Variants in CFAP43 observed in about 807,000 individuals in gnomAD.
CFAP43 encodes the protein cilia- and flagella-associated protein 43.
CFAP43 carries 155 observed loss-of-function variants against 218.9 expected under a neutral mutation model. The observed-to-expected ratio is 0.71, with a 90% CI of 0.62 to 0.81. CFAP43 has a LOEUF of 0.81. CFAP43 is among the 30% of genes least tolerant of loss of function. The probability of loss-of-function intolerance (pLI) is 0.00; values close to 1 mark genes in which losing one functional copy is unlikely to be tolerated. For synonymous variants in CFAP43, 645 were observed against 681.3 expected, an observed-to-expected ratio of 0.95 and a Z score of 0.83; for missense variants, 1,778 against 1,954.3, an observed-to-expected ratio of 0.91 and a Z score of 1.70.
chr10:104,194,845 A>G (rs1201161497), intron 10 of CFAP43, among the ~76,000 whole-genome samples: 1 of 152,244 alleles, frequency 6.6e-6, no homozygotes, highest in African/African-American at 2.4e-5. Flanking sequence ...GAAGTCCAGC[A>G]GCTTGCCCAA....
At chr10:104,203,359 G>A (rs941245210) in intron 8 of CFAP43, 14 of 341,052 alleles carry the variant, frequency 4.1e-5, no homozygotes, top group South Asian at 4.0e-4. Context: ...CACCATAAGC[G>A]GAGAGTCTGC....
chr10:104,155,140 A>T (rs899079391), intron 27 of CFAP43, among the ~76,000 whole-genome samples: 1 of 152,134 alleles, frequency 6.6e-6, no homozygotes, highest in Non-Finnish European at 1.5e-5. Context: ...GAATTGTCTC[A>T]TCTTGGGGTG....
At position 104,132,141 on chromosome 10, in the gene CFAP43, TC is replaced by T. The variant is rs1564703516; in HGVS notation, c.4651del (p.Glu1551AsnfsTer7). The T allele has an allele frequency of 6.2e-7, 1 of 1,606,372 alleles. No homozygotes were observed. The highest frequency in any genetic ancestry group is 1.1e-5 in the South Asian group (1 of 88,668). ...ALISIQIGIM[E>X]QTIAVLDKMH... ...CTTATCTAAAACAGCAATGGTTTGT[TC>T]CATTATTCCAATCTGAATACTAATC... On this transcript the variant is annotated frameshift_variant, in exon 36 of 38. Transcript: ENST00000357060. LOFTEE classifies it high-confidence loss of function.
At chr10:104,148,500 T>C (rs1211759672) in intron 28 of CFAP43, among the ~76,000 whole-genome samples, 1 of 152,206 alleles carries the variant, frequency 6.6e-6, no homozygotes, top group African/African-American at 2.4e-5. Context: ...TGGGGCCTCA[T>C]GGGAGGTGTT....
chr10:104,162,181 G>A, intron 25 of CFAP43, 136 bp downstream of exon 25: 2 of 1,215,816 alleles, frequency 1.6e-6, no homozygotes, highest in South Asian at 2.6e-5. Flanking sequence ...GAGGAGAGAA[G>A]GGGAAAGGAG....
intron 6 of CFAP43, 137 bp downstream of exon 6, chr10:104,207,528 G>T: frequency 1.3e-6 from 1 of 755,510 alleles, no homozygotes; most frequent in Non-Finnish European, 2.1e-6. Context: ...ATGGTAGAAT[G>T]CCAACAGCAC....
chr10:104,153,764 C>T (rs1032260396), intron 27 of CFAP43, among the ~76,000 whole-genome samples: 9 of 111,396 alleles, frequency 8.1e-5, no homozygotes, highest in Non-Finnish European at 1.0e-4. Flanking sequence ...TATCACTTTT[C>T]TCTCTCTCTC....
At chr10:104,155,208 G>A (rs2088477239) in intron 27 of CFAP43, among the ~76,000 whole-genome samples, 1 of 152,178 alleles carries the variant, frequency 6.6e-6, no homozygotes, top group South Asian at 2.1e-4. Context: ...GTCACTGGCT[G>A]CCCTGGGTGA....
At position 104,172,449 on chromosome 10, in the gene CFAP43, T is replaced by C. The variant is rs144900793; in HGVS notation, c.2547A>G (p.Leu849=). 830 of 1,609,960 alleles carry C rather than the reference T, an allele frequency of 5.2e-4. 2 individuals are homozygous for C. Among genetic ancestry groups the C allele is most frequent in the Non-Finnish European group, 6.1e-4 (721 of 1,179,040 alleles). Residue 849 remains leucine (L), a synonymous_variant, in exon 20 of 38, where the codon CTA becomes CTG. Transcript: ENST00000357060. The stretch of plus-strand genomic sequence containing the variant: ...CCTGACTTTCATCATGAAGCCTTTC[T>C]AGTTCCTCAAGATCCAGACCAAATT... ...QQEFGLDLEE[L]ERLHDESQEE...
intron 7 of CFAP43, 29 bp downstream of exon 7, chr10:104,205,934 C>G (rs770734020): frequency 6.3e-7 from 1 of 1,583,130 alleles, no homozygotes; most frequent in Non-Finnish European, 8.6e-7. Context: ...TTCTTTAAAC[C>G]AATTAATTTG....
At chr10:104,193,667 T>G in intron 11 of CFAP43, 199 bp downstream of exon 11, 1 of 608,382 alleles carries the variant, frequency 1.6e-6, no homozygotes, top group Non-Finnish European at 2.7e-6. Context: ...CCAGGCTGCC[T>G]GCAAGGACAG....
Position 104,182,405 on chromosome 10 carries a change from T to C in CFAP43, c.2250A>G (p.Pro750=), listed in dbSNP as rs1319178284. 1 of 1,611,192 alleles carries C rather than the reference T, an allele frequency of 6.2e-7. No individual in the cohort carries two copies. The highest frequency in any genetic ancestry group is 8.5e-7 in the Non-Finnish European group (1 of 1,179,182). The change falls in exon 17 of 38, where the codon CCA becomes CCG. Residue 750 remains proline, a synonymous_variant. Coordinates refer to ENST00000357060, the MANE Select transcript of CFAP43 (RefSeq NM_025145.7). ...CGGATCCCAAATCTACGGAAACTTT[T>C]GGTGTTGTGCTTAAATAATGATTCT... ...DKENHYLSTT[P]KVSVDLGSDS... is the part of the protein sequence containing the mutation.
Position 104,162,418 on chromosome 10 carries a change from G to A in CFAP43, c.3247-15C>T, listed in dbSNP as rs763101074. ...TGGGCTGTAATCTGAAAGAGAAAAT[G>A]TCATTTCCTGCTATTATTCTTACAA... On this transcript the variant is annotated splice_polypyrimidine_tract_variant and intron_variant, in intron 24 of 37. Transcript: ENST00000357060. The A allele has an allele frequency of 1.9e-6, 3 of 1,600,200 alleles. No individual in the cohort carries two copies. The highest frequency in any genetic ancestry group is 1.3e-5 in the African/African-American group (1 of 74,750).
At chr10:104,131,577 T>C in intron 36 of CFAP43, 93 bp from the exon 37 acceptor site, 1 of 1,332,296 alleles carries the variant, frequency 7.5e-7, no homozygotes, top group African/African-American at 1.5e-5. Context: ...TTAAATACAT[T>C]ATCATCATTA....
At chr10:104,148,975 C>T (rs1204738320) in intron 28 of CFAP43, among the ~76,000 whole-genome samples, 3 of 152,162 alleles carry the variant, frequency 2.0e-5, no homozygotes, top group Non-Finnish European at 4.4e-5. Flanking sequence ...CAAACCTATA[C>T]ATGTACCTCT....
chr10:104,172,881 A>T (rs912268916), intron 19 of CFAP43, among the ~76,000 whole-genome samples: 1 of 152,210 alleles, frequency 6.6e-6, no homozygotes. Flanking sequence ...TGAAATAATT[A>T]AAGATGATAT....
intron 11 of CFAP43, 25 bp downstream of exon 11, chr10:104,193,841 G>A (rs777055945): frequency 1.1e-5 from 18 of 1,607,458 alleles, no homozygotes; most frequent in Admixed American, 5.1e-5. Flanking sequence ...ACACGGAGCC[G>A]CTCCTGGAGG....
rs554190069 is a variant in CFAP43, at chr10:104,187,882, G to A, written c.1687+388C>T. ...TATTTGTCATTAAAACAAGGAAAGA[G>A]TATCTATTTTCTCATACCTTTTTAT... is the stretch of plus-strand genomic sequence containing the variant. On this transcript the variant is annotated intron_variant, in intron 13 of 37. Coordinates refer to ENST00000357060, the MANE Select transcript of CFAP43 (RefSeq NM_025145.7). Among the ~76,000 whole-genome samples, 15 of 152,286 alleles carry A rather than the reference G, an allele frequency of 9.8e-5. No individual in the cohort carries two copies. The South Asian group carries it at 2.9e-3, about 29-fold the overall frequency.
chr10:104,192,668 G>C (rs761354107), intron 11 of CFAP43: 1 of 200,754 alleles, frequency 5.0e-6, no homozygotes, highest in Non-Finnish European at 9.9e-6. Flanking sequence ...CCCTGTGTCT[G>C]GTACCTGGCA....
Sources: gnomAD v4.1 joint callset for allele counts (sites outside exome capture counted in the v4.1 genomes callset) on GRCh38, gnomAD v4.1.1 for gene constraint, MANE v1.5 for transcripts, NCBI Gene and HGNC (gene_info 2026-07-23, HGNC 2026-07-21) for gene names.